Variants in TRAM2 observed in about 807,000 individuals in gnomAD.
TRAM2 encodes translocation associated membrane protein 2.
A neutral mutation model predicts 51.0 loss-of-function variants in TRAM2; 12 were observed. The ratio of observed to expected loss-of-function variants is 0.24; its 90% confidence interval spans 0.15 to 0.38. The LOEUF is 0.38. TRAM2 is among the 10% of genes least tolerant of loss of function. The pLI is 1.00. For synonymous variants in TRAM2, 175 were observed against 179.4 expected (o/e 0.98, Z 0.20); for missense variants, 361 against 462.0 (o/e 0.78, Z 2.00).
At chr6:52,507,488 T>C in intron 7 of TRAM2, 65 bp downstream of exon 7, 1 of 1,511,216 alleles carries the variant, frequency 6.6e-7, no homozygotes, top group Non-Finnish European at 9.2e-7. Flanking sequence ...ATTATATGAG[T>C]GTGTGGACAG....
At chr6:52,517,067 A>G (rs577696786) in intron 2 of TRAM2, 101 of 251,764 alleles carry the variant, frequency 4.0e-4, no homozygotes, top group Admixed American at 9.0e-4. Flanking sequence ...TCACTCCCTA[A>G]CTGTGTGACT....
chr6:52,522,745 AAG>A (rs1205469893), intron 2 of TRAM2: 7 of 597,540 alleles, frequency 1.2e-5, no homozygotes, highest in African/African-American at 1.9e-5. Flanking sequence ...TTACAGTTTA[AAG>A]AGAGACCTGA....
At chr6:52,563,852 T>TTA (rs1491279824) in intron 1 of TRAM2, among the ~76,000 whole-genome samples, 50 of 30,408 alleles carry the variant, frequency 1.6e-3, no homozygotes, top group African/African-American at 5.1e-3. Flanking sequence ...AAAACACTTA[T>TTA]TTTTTTTTTT....
chr6:52,561,071 T>A (rs1767490833), intron 1 of TRAM2, among the ~76,000 whole-genome samples: 1 of 152,182 alleles, frequency 6.6e-6, no homozygotes, highest in Non-Finnish European at 1.5e-5. Context: ...AATGAAATAC[T>A]GATACATGCT....
At chr6:52,566,089 A>G (rs116504519) in intron 1 of TRAM2, among the ~76,000 whole-genome samples, 95 of 152,352 alleles carry the variant, frequency 6.2e-4, no homozygotes, top group Non-Finnish European at 1.2e-3. Flanking sequence ...TTTTATTATA[A>G]TAAGTCCATA....
chr6:52,574,137 A>G (rs895127010), intron 1 of TRAM2, among the ~76,000 whole-genome samples: 8 of 152,082 alleles, frequency 5.3e-5, no homozygotes, highest in African/African-American at 1.7e-4. Context: ...GCATCCCTAC[A>G]TACCCACACA....
chr6:52,541,967 G>C (rs149071338), intron 1 of TRAM2, among the ~76,000 whole-genome samples: 1 of 152,126 alleles, frequency 6.6e-6, no homozygotes, highest in Non-Finnish European at 1.5e-5. Flanking sequence ...CCCACCTAAA[G>C]GACAAAACAC....
At chr6:52,525,563 A>C (rs1766761966) in intron 2 of TRAM2, among the ~76,000 whole-genome samples, 1 of 152,192 alleles carries the variant, frequency 6.6e-6, no homozygotes, top group Non-Finnish European at 1.5e-5. Flanking sequence ...TAATCCCAGC[A>C]CTTTGGGAGG....
intron 1 of TRAM2, among the ~76,000 whole-genome samples, chr6:52,545,493 C>T (rs147531524): frequency 6.6e-6 from 1 of 152,328 alleles, no homozygotes; most frequent in East Asian, 1.9e-4. Context: ...GGCGGACACA[C>T]ACAAAGAGAA....
intron 1 of TRAM2, among the ~76,000 whole-genome samples, chr6:52,552,058 C>T (rs1486850854): frequency 1.3e-5 from 2 of 152,244 alleles, no homozygotes; most frequent in Non-Finnish European, 2.9e-5. Context: ...AATTTGGGAA[C>T]GTTAACACGG....
rs1165683539 is a variant in TRAM2 at position 52,499,119 on chromosome 6, A to C, written c.*4078T>G. 1 of 152,086 alleles carries C rather than the reference A, an allele frequency of 6.6e-6. No individual in the cohort carries two copies. The highest frequency in any genetic ancestry group is 1.9e-4 in the East Asian group (1 of 5,188). The allele number at this position is 152,086 out of a possible 1,614,324, so 9.4% of individuals were successfully genotyped here. On this transcript the variant is annotated 3_prime_UTR_variant, in exon 11 of 11. Coordinates refer to ENST00000182527, the MANE Select transcript of TRAM2 (RefSeq NM_012288.4). ...TAGTGGGGTAGAGTGAGAAGTTGGT[A>C]AAGTCTTCCTCACTGGGACAACCTT...
At chr6:52,536,015 C>T (rs1314977100) in intron 1 of TRAM2, among the ~76,000 whole-genome samples, 169 bp from the exon 2 acceptor site, 1 of 152,190 alleles carries the variant, frequency 6.6e-6, no homozygotes, top group Admixed American at 6.5e-5. Flanking sequence ...TCTTTAATGA[C>T]ATACCTCTCA....
In TRAM2 at chr6:52,576,999, C is replaced by A. The variant is rs1767782138; in HGVS notation, c.-84G>T. On this transcript the variant is annotated 5_prime_UTR_variant, in exon 1 of 11. Coordinates refer to ENST00000182527, the MANE Select transcript of TRAM2 (RefSeq NM_012288.4). Reference sequence around the variant, plus strand: ...AAACTTCTCCAGCACCGGCCCGGTCCGCCCGCCGGCCCGCCGCCCGCTCTC... The same window carrying A: ...AAACTTCTCCAGCACCGGCCCGGTCAGCCCGCCGGCCCGCCGCCCGCTCTC... 5 of 1,320,902 alleles carry A rather than the reference C, an allele frequency of 3.8e-6. No homozygotes were observed. In the African/African-American group the frequency reaches 6.2e-5, roughly 16 times the overall value. 81.8% of individuals were successfully genotyped at this position (1,320,902 alleles called of 1,614,324 possible). A position where few individuals can be genotyped will look rare whatever the true frequency, so the allele number is the denominator to read the frequency against.
chr6:52,546,453 C>T (rs1160800896), intron 1 of TRAM2, among the ~76,000 whole-genome samples: 1 of 152,002 alleles, frequency 6.6e-6, no homozygotes, highest in Non-Finnish European at 1.5e-5. Context: ...GGGAGGTGAG[C>T]TAGGCAGCAC....
In TRAM2 at chr6:52,533,794, AC is replaced by A. The variant is rs373746729; in HGVS notation, c.184+1988del. On this transcript the variant is annotated intron_variant, in intron 2 of 10. Transcript: ENST00000182527. ...TAAAGTCAAGACAAGTCACCTCTCT[AC>A]TATAAAGAGGAAAAGGCCGGGTGCA... Among the ~76,000 whole-genome samples, 642 of 152,332 alleles carry A rather than the reference AC, an allele frequency of 4.2e-3. 1 individual carries two copies. Among genetic ancestry groups the A allele is most frequent in the African/African-American group, 0.015 (625 of 41,562 alleles).
chr6:52,515,912 G>T, intron 4 of TRAM2, 94 bp downstream of exon 4: 4 of 1,042,682 alleles, frequency 3.8e-6, no homozygotes, highest in Non-Finnish European at 5.8e-6. Flanking sequence ...AAAAGAGCAA[G>T]GGGTCCTTTG....
At chr6:52,554,530 A>AG (rs1767368556) in intron 1 of TRAM2, among the ~76,000 whole-genome samples, 1 of 151,244 alleles carries the variant, frequency 6.6e-6, no homozygotes. Flanking sequence ...AAAAAAAAAA[A>AG]AAAAAAAAGA....
chr6:52,525,955 G>A (rs1396050549), intron 2 of TRAM2, among the ~76,000 whole-genome samples: 2 of 151,976 alleles, frequency 1.3e-5, no homozygotes, highest in Non-Finnish European at 2.9e-5. Context: ...CAAGAGACAG[G>A]GAGATGACGA....
In TRAM2 at chr6:52,497,948, G is replaced by C. The variant is rs1364853199; in HGVS notation, c.*5249C>G. The C allele has an allele frequency of 6.6e-6, 1 of 152,218 alleles. No individual in the cohort carries two copies. Among genetic ancestry groups the C allele is most frequent in the African/African-American group, 2.4e-5 (1 of 41,456 alleles). The allele number at this position is 152,218 out of a possible 1,614,324, so 9.4% of individuals were successfully genotyped here. A position where few individuals can be genotyped will look rare whatever the true frequency, so the allele number is the denominator to read the frequency against. On this transcript the variant is annotated 3_prime_UTR_variant, in exon 11 of 11. Transcript: ENST00000182527. ...AGTAGCTCTAGAGTGCTTTTAGGCA[G>C]AGTGACGGTGATGTCATGGGCACCA...
Sources: gnomAD v4.1 joint callset for allele counts (sites outside exome capture counted in the v4.1 genomes callset) on GRCh38, gnomAD v4.1.1 for gene constraint, MANE v1.5 for transcripts, NCBI Gene and HGNC (gene_info 2026-07-23, HGNC 2026-07-21) for gene names.